RNF130: variants seen among roughly 807,000 people sequenced by gnomAD.
RNF130 encodes E3 ubiquitin-protein ligase RNF130.
Under a neutral mutation model 44.6 loss-of-function variants are expected in RNF130, and 21 were observed. That is an observed-to-expected ratio of 0.47 (90% CI 0.33 to 0.68). The LOEUF (loss-of-function observed/expected upper bound fraction) is 0.68, where lower values mean the gene tolerates loss of function less well. Among genes scored for constraint, RNF130 ranks in the 30% least tolerant of loss-of-function variants. The pLI, the probability that RNF130 is intolerant of heterozygous loss-of-function variation, is 0.02. For missense variants in RNF130, 479 were observed against 560.6 expected, an observed-to-expected ratio of 0.85 and a Z score of 1.47; for synonymous variants, 214 against 210.4, an observed-to-expected ratio of 1.02 and a Z score of -0.15.
downstream of RNF130, among the ~76,000 whole-genome samples, chr5:179,954,486 T>C (rs189348633): frequency 1.3e-5 from 2 of 152,216 alleles, no homozygotes; most frequent in African/African-American, 4.8e-5. Context: ...CCACATATTA[T>C]ATGGTTCTAT....
Position 179,978,255 on chromosome 5 carries a change from C to T in RNF130, c.796G>A (p.Val266Ile). ...TTCTGCTTATAGCTCTCTATGCAGA[C>T]TGCACAATGATCAAAGTCTGGGTCA... ...ETDPDFDHCA[V>I]CIESYKQNDV... is the part of the protein sequence containing the mutation. Residue 266 changes from valine (V) to isoleucine (I), a missense_variant, in exon 5 of 9, where the codon GTC becomes ATC. This residue lies in a region of RNF130 where 180 missense variants were observed against 275.1 expected (regional missense o/e 0.65). Transcript: ENST00000521389. 1.2e-6 allele frequency: 2 copies of T among 1,614,054 alleles called. No individual in the cohort carries two copies. The highest frequency in any genetic ancestry group is 1.7e-6 in the Non-Finnish European group (2 of 1,179,904).
In RNF130 at chr5:179,929,840, TAA is replaced by T. The variant is rs1288677533; in HGVS notation, c.1151-9416_1151-9415del. On this transcript the variant is annotated intron_variant, in intron 7 of 7. Transcript: ENST00000522208. ...TGTGACCGAAATCACAGTAAGTCTA[TAA>T]GTCACTTTGGGGAGAGCTAACACCT... Among the ~76,000 whole-genome samples, 5 of 152,268 alleles carry T rather than the reference TAA, an allele frequency of 3.3e-5. No homozygotes were observed. In the East Asian group the frequency reaches 9.7e-4, roughly 29 times the overall value.
At chr5:180,062,708 G>T (rs1361125284) in intron 1 of RNF130, among the ~76,000 whole-genome samples, 1 of 152,142 alleles carries the variant, frequency 6.6e-6, no homozygotes, top group Non-Finnish European at 1.5e-5. Flanking sequence ...CTAACATTGG[G>T]TTTGCCAGAG....
chr5:179,920,163 G>T, exon 8 of RNF130: 1 of 562,668 alleles, frequency 1.8e-6, no homozygotes, highest in Non-Finnish European at 3.2e-6. Flanking sequence ...CACCTTGGGG[G>T]AACTTTGCAA....
chr5:179,953,100 A>T (rs1169922731), downstream of RNF130, among the ~76,000 whole-genome samples: 1 of 136,600 alleles, frequency 7.3e-6, no homozygotes, highest in Middle Eastern at 4.1e-3. Context: ...GAAAAGCCCA[A>T]GGAATCCACA....
intron 7 of RNF130, among the ~76,000 whole-genome samples, chr5:179,928,543 T>G (rs1199862126): frequency 6.6e-6 from 1 of 152,186 alleles, no homozygotes; most frequent in Non-Finnish European, 1.5e-5. Flanking sequence ...GTTGTCAGTC[T>G]TCTTCTCCTT....
intron 3 of RNF130, among the ~76,000 whole-genome samples, chr5:180,011,222 GC>G (rs1763589840): frequency 6.6e-6 from 1 of 152,048 alleles, no homozygotes; most frequent in Non-Finnish European, 1.5e-5. Flanking sequence ...ACAACTGAAT[GC>G]AAAATCCAAT....
At chr5:180,032,644 C>T (rs531592815) in intron 2 of RNF130, among the ~76,000 whole-genome samples, 14 of 152,254 alleles carry the variant, frequency 9.2e-5, no homozygotes, top group African/African-American at 2.6e-4. Context: ...ATCAATTGAC[C>T]GTAAAGATAT....
At chr5:179,949,378 C>T (rs1035359680) in intron 7 of RNF130, among the ~76,000 whole-genome samples, 3 of 151,784 alleles carry the variant, frequency 2.0e-5, no homozygotes, top group African/African-American at 7.3e-5. Context: ...AATCTTCCTG[C>T]CTCCTGAGTA....
At chr5:180,010,794 T>G (rs1196992844) in intron 3 of RNF130, among the ~76,000 whole-genome samples, 1 of 152,178 alleles carries the variant, frequency 6.6e-6, no homozygotes, top group African/African-American at 2.4e-5. Flanking sequence ...TTCCTTGTGA[T>G]GGAACTGGTC....
intron 2 of RNF130, among the ~76,000 whole-genome samples, chr5:180,015,136 TA>T (rs1763688195): frequency 6.6e-6 from 1 of 152,174 alleles, no homozygotes; most frequent in Non-Finnish European, 1.5e-5. Flanking sequence ...TACAAAAAAC[TA>T]TAAAATTAAA....
chr5:179,912,006 A>G (rs1378329672), exon 8 of RNF130: 1 of 152,240 alleles, frequency 6.6e-6, no homozygotes, highest in Non-Finnish European at 1.5e-5. Flanking sequence ...TTAAAATTCA[A>G]GTGCATAGTT....
chr5:180,061,068 CAAAAAAAAAAA>C (rs57744473), intron 1 of RNF130, among the ~76,000 whole-genome samples: 2 of 53,600 alleles, frequency 3.7e-5, no homozygotes, highest in Non-Finnish European at 6.2e-5. Context: ...GACTCCGTCT[CAAAAAAAAAAA>C]AAAAAAAAAA....
intron 5 of RNF130, among the ~76,000 whole-genome samples, chr5:179,975,110 G>A (rs1332723907): frequency 1.3e-5 from 2 of 152,292 alleles, no homozygotes; most frequent in East Asian, 1.9e-4. Flanking sequence ...GACGGTGAGG[G>A]AACAGAACCG....
intron 3 of RNF130, among the ~76,000 whole-genome samples, chr5:179,998,133 T>C (rs1763246146): frequency 6.6e-6 from 1 of 152,226 alleles, no homozygotes. Flanking sequence ...GCCACTGTGC[T>C]TGGCCTGTTT....
At chr5:180,057,188 A>T (rs1764846968) in intron 1 of RNF130, among the ~76,000 whole-genome samples, 1 of 152,222 alleles carries the variant, frequency 6.6e-6, no homozygotes, top group African/African-American at 2.4e-5. Flanking sequence ...CCAGCCCCTC[A>T]AACCTCTGGG....
In RNF130 at chr5:180,040,533, C is replaced by T. The variant is rs201925862; in HGVS notation, c.362G>A (p.Arg121Gln). ...GNCTFKEKIS[R>Q]AAFHNAVAVV... is the part of the protein sequence containing the mutation. ...AGCAACTGCATTGTGGAAAGCGGCC[C>T]GTGATATTTTCTCTTTAAACGTGCA... is the stretch of plus-strand genomic sequence containing the variant. The change falls in exon 2 of 9, where the codon CGG (arginine) becomes CAG (glutamine). Residue 121 changes from arginine (R) to glutamine (Q), a missense_variant. Arg to Gln is a conservative substitution (Grantham distance 43). Transcript: ENST00000521389. The T allele has an allele frequency of 3.1e-6, 5 of 1,614,124 alleles. No individual in the cohort carries two copies. The highest frequency in any genetic ancestry group is 2.2e-5 in the East Asian group (1 of 44,880).
intron 7 of RNF130, among the ~76,000 whole-genome samples, chr5:179,942,475 C>T (rs1020586728): frequency 1.3e-5 from 2 of 152,042 alleles, no homozygotes; most frequent in Non-Finnish European, 2.9e-5. Flanking sequence ...TTCTTAGTCT[C>T]GAATTTAAGT....
At chr5:179,952,099 G>A (rs1762134327), downstream of RNF130, among the ~76,000 whole-genome samples, 1 of 152,182 alleles carries the variant, frequency 6.6e-6, no homozygotes, top group Non-Finnish European at 1.5e-5. Context: ...TTGGGAGGCT[G>A]AGGTAGGAGG....
Sources: allele counts gnomAD v4.1 joint callset (sites outside exome capture counted in the v4.1 genomes callset), GRCh38; gene constraint gnomAD v4.1.1; regional missense constraint gnomAD v4.1.1; transcripts MANE v1.5; gene names NCBI Gene and HGNC (gene_info 2026-07-23, HGNC 2026-07-21).